The following EIF2AK4 variants were observed in gnomAD, a reference collection of about 807,000 sequenced individuals.
EIF2AK4 encodes eukaryotic translation initiation factor 2 alpha kinase 4, also known as eIF-2-alpha kinase GCN2.
EIF2AK4 carries 139 observed loss-of-function variants against 211.1 expected under a neutral mutation model. That is an observed-to-expected ratio of 0.66 (90% CI 0.57 to 0.76). The LOEUF (loss-of-function observed/expected upper bound fraction) is 0.76. EIF2AK4 is among the 30% of genes least tolerant of loss of function. EIF2AK4 has a pLI of 0.00. For synonymous variants in EIF2AK4, 710 were observed against 751.3 expected (o/e 0.94, Z 0.90); for missense variants, 1,664 against 2,043.8 (o/e 0.81, Z 3.58).
intron 20 of EIF2AK4, 151 bp from the exon 21 acceptor site, chr15:40,000,837 A>T: frequency 5.4e-6 from 2 of 370,700 alleles, no homozygotes; most frequent in Admixed American, 8.1e-5. Flanking sequence ...AGCAGAAAAA[A>T]TAATGACCTA....
At chr15:39,991,997 C>A in intron 16 of EIF2AK4, 178 bp from the exon 17 acceptor site, 1 of 518,046 alleles carries the variant, frequency 1.9e-6, no homozygotes. Context: ...ATTGGGTTTT[C>A]TGAGAGCCTT....
At chr15:39,955,190 C>G (rs1320119534) in intron 5 of EIF2AK4, among the ~76,000 whole-genome samples, 1 of 152,190 alleles carries the variant, frequency 6.6e-6, no homozygotes, top group Non-Finnish European at 1.5e-5. Flanking sequence ...ACTTTTTACA[C>G]TATTGCAAGA....
chr15:40,003,066 G>A, intron 22 of EIF2AK4, 127 bp from the exon 23 acceptor site: 1 of 1,396,786 alleles, frequency 7.2e-7, no homozygotes, highest in Admixed American at 2.3e-5. Flanking sequence ...GAGAACTCAA[G>A]AAAAATTGAT....
intron 1 of EIF2AK4, among the ~76,000 whole-genome samples, chr15:39,937,754 C>T (rs2034087807): frequency 1.3e-5 from 2 of 151,946 alleles, no homozygotes; most frequent in African/African-American, 2.4e-5. Context: ...CATCAAAGTA[C>T]GGGCCTAGGC....
At chr15:40,012,349 G>A (rs899115269) in intron 27 of EIF2AK4, among the ~76,000 whole-genome samples, 5 of 152,194 alleles carry the variant, frequency 3.3e-5, no homozygotes, top group African/African-American at 7.2e-5. Flanking sequence ...ACCCCTTTGC[G>A]GGTAGGGAAA....
In EIF2AK4 at chr15:40,003,409, A is replaced by G. The variant is rs1171420275; in HGVS notation, c.3357+95A>G. The G allele has an allele frequency of 3.3e-6, 5 of 1,524,896 alleles. No individual in the cohort carries two copies. Among genetic ancestry groups the G allele is most frequent in the African/African-American group, 1.4e-5 (1 of 72,428 alleles). The allele number at this position is 1,524,896 out of a possible 1,614,324, so 94.5% of individuals were successfully genotyped here. On this transcript the variant is annotated intron_variant, in intron 23 of 38. Coordinates refer to ENST00000263791, the MANE Select transcript of EIF2AK4 (RefSeq NM_001013703.4). ...AGGATTTTTCCCCCAGGCTTATATT[A>G]TAAATGTCACCTTTGGGAAATGTAT...
At chr15:40,034,506 G>C in intron 38 of EIF2AK4, 62 bp downstream of exon 38, 1 of 1,295,874 alleles carries the variant, frequency 7.7e-7, no homozygotes, top group Non-Finnish European at 1.1e-6. Flanking sequence ...GGGGGTTTCA[G>C]AGTGACATTA....
At chr15:39,942,286 TGGGGA>T (rs1174978891) in intron 2 of EIF2AK4, among the ~76,000 whole-genome samples, 2 of 152,114 alleles carry the variant, frequency 1.3e-5, no homozygotes, top group African/African-American at 4.8e-5. Flanking sequence ...CCCAGACCTT[TGGGGA>T]GGAATTCTAG....
chr15:40,009,665 C>T lies in EIF2AK4; in HGVS notation c.3628C>T (p.Leu1210Phe), dbSNP rs1243468082. ...CCATACCATGTTATTGAAAGCAATA[C>T]TCTTACACTGTGGGATCCCAGAAGA... ...LNHTMLLKAI[L>F]LHCGIPEDKL... is the part of the protein sequence containing the mutation. Residue 1210 changes from leucine to phenylalanine, a missense_variant, in exon 26 of 39, where the codon CTC (leucine) becomes TTC (phenylalanine). Physicochemically the swap from Leu to Phe is conservative, Grantham distance 22 (BLOSUM62 0). Transcript: ENST00000263791. 3 of 1,610,432 alleles carry T rather than the reference C, an allele frequency of 1.9e-6. No individual in the cohort carries two copies. Among genetic ancestry groups the T allele is most frequent in the Non-Finnish European group, 1.7e-6 (2 of 1,178,496 alleles).
intron 34 of EIF2AK4, among the ~76,000 whole-genome samples, chr15:40,029,744 A>C (rs1403149216): frequency 6.6e-6 from 1 of 152,182 alleles, no homozygotes; most frequent in African/African-American, 2.4e-5. Flanking sequence ...AAATGTGTAT[A>C]ATTTTCCTGG....
intron 6 of EIF2AK4, 40 bp downstream of exon 6, chr15:39,955,808 G>A: frequency 1.3e-6 from 2 of 1,549,828 alleles, no homozygotes; most frequent in Non-Finnish European, 1.7e-6. Context: ...AATGACAGAT[G>A]TAGAAGGATT....
intron 27 of EIF2AK4, among the ~76,000 whole-genome samples, chr15:40,012,115 A>C (rs1567004679): frequency 6.6e-6 from 1 of 152,220 alleles, no homozygotes; most frequent in Non-Finnish European, 1.5e-5. Context: ...ATAGATTAAA[A>C]TATGATTGTA....
chr15:40,012,087 GC>G (rs1248797874), intron 27 of EIF2AK4, among the ~76,000 whole-genome samples: 1 of 152,092 alleles, frequency 6.6e-6, no homozygotes, highest in African/African-American at 2.4e-5. Flanking sequence ...GCATTGATCA[GC>G]AAAATTCACA....
chr15:39,987,419 A>G (rs2034881125), intron 14 of EIF2AK4, among the ~76,000 whole-genome samples: 1 of 152,224 alleles, frequency 6.6e-6, no homozygotes, highest in African/African-American at 2.4e-5. Flanking sequence ...AGTTTCATAA[A>G]TCAAATGGTG....
At chr15:39,990,795 G>A (rs917978434) in intron 16 of EIF2AK4, among the ~76,000 whole-genome samples, 16 of 152,250 alleles carry the variant, frequency 1.1e-4, no homozygotes, top group African/African-American at 3.6e-4. Flanking sequence ...GATAACGACA[G>A]TGGCATTTCA....
intron 1 of EIF2AK4, among the ~76,000 whole-genome samples, 187 bp downstream of exon 1, chr15:39,934,526 G>T (rs568249693): frequency 6.6e-6 from 1 of 152,302 alleles, no homozygotes; most frequent in Admixed American, 6.5e-5. Flanking sequence ...CACCTAGGCC[G>T]AATTCTTCTA....
At chr15:39,971,922 C>G (rs923477377) in intron 9 of EIF2AK4, among the ~76,000 whole-genome samples, 3 of 152,084 alleles carry the variant, frequency 2.0e-5, no homozygotes, top group Non-Finnish European at 4.4e-5. Flanking sequence ...TTAGGGGATA[C>G]TGATGCTACT....
intron 18 of EIF2AK4, 126 bp downstream of exon 18, chr15:39,992,974 C>T: frequency 2.3e-6 from 2 of 872,248 alleles, no homozygotes; most frequent in Admixed American, 4.1e-5. Context: ...CCAGGAAGGA[C>T]TCATGGTCCT....
intron 21 of EIF2AK4, 84 bp from the exon 22 acceptor site, chr15:40,002,629 G>A: frequency 7.1e-7 from 1 of 1,409,520 alleles, no homozygotes; most frequent in Non-Finnish European, 1.0e-6. Context: ...GCAGTGTAGT[G>A]CCTACTGCAA....
Sources: allele counts gnomAD v4.1 joint callset (sites outside exome capture counted in the v4.1 genomes callset), GRCh38; gene constraint gnomAD v4.1.1; transcripts MANE v1.5; gene names NCBI Gene and HGNC (gene_info 2026-07-23, HGNC 2026-07-21).